Variants in MAP3K3 observed in about 807,000 individuals in gnomAD.
The protein encoded by MAP3K3 is MAP/ERK kinase kinase 3.
A neutral mutation model predicts 80.9 loss-of-function variants in MAP3K3; 12 were observed. That is an observed-to-expected ratio of 0.15 (90% CI 0.10 to 0.24). MAP3K3 has a LOEUF of 0.24. MAP3K3 is among the 10% of genes least tolerant of loss of function. MAP3K3 has a pLI of 1.00. For synonymous variants in MAP3K3, 272 were observed against 307.1 expected (o/e 0.89, Z 1.19); for missense variants, 596 against 834.7 (o/e 0.71, Z 3.52).
At chr17:63,638,227 A>AT (rs1295870534) in intron 2 of MAP3K3, among the ~76,000 whole-genome samples, 7 of 151,324 alleles carry the variant, frequency 4.6e-5, no homozygotes, top group African/African-American at 7.3e-5. Flanking sequence ...TTTTTGTTGT[A>AT]TTTTTTTTTC....
rs1180626814 is a variant in MAP3K3, at chr17:63,692,603, C to T, written c.1652+184C>T. Among the ~76,000 whole-genome samples, 1 of 152,198 alleles carries T rather than the reference C, an allele frequency of 6.6e-6. No homozygotes were observed. The highest frequency in any genetic ancestry group is 1.5e-5 in the Non-Finnish European group (1 of 68,036). On this transcript the variant is annotated intron_variant, in intron 15 of 15. Coordinates refer to ENST00000361733, the MANE Select transcript of MAP3K3 (RefSeq NM_002401.5). The surrounding 1 kb of genome is among the most constrained non-coding windows in gnomAD (Gnocchi z 4.5). ...CACCACATGGGTGGTGCTCAAAGCA[C>T]ACTCCATTAGAGCTGGGAACTTAGG...
In MAP3K3 at chr17:63,693,880, A is replaced by G; in HGVS notation, c.*103A>G. 1 of 1,020,980 alleles carries G rather than the reference A, an allele frequency of 9.8e-7. No individual in the cohort carries two copies. Among genetic ancestry groups the G allele is most frequent in the Non-Finnish European group, 1.4e-6 (1 of 705,446 alleles). The allele number at this position is 1,020,980 out of a possible 1,614,324, so 63.2% of individuals were successfully genotyped here. A position where few individuals can be genotyped will look rare whatever the true frequency, so the allele number is the denominator to read the frequency against. On this transcript the variant is annotated 3_prime_UTR_variant, in exon 16 of 16. Transcript: ENST00000361733. The surrounding 1 kb of genome is among the most constrained non-coding windows in gnomAD (Gnocchi z 4.2). ...CTTCTCCCAGGCAAGGCTGTGGACC[A>G]TGGAGTGGCAGCCCAGCCAGCGTCG...
At chr17:63,675,048 G>GT (rs1265473513) in intron 6 of MAP3K3, among the ~76,000 whole-genome samples, 2 of 151,902 alleles carry the variant, frequency 1.3e-5, no homozygotes, top group African/African-American at 2.4e-5. Context: ...ATCTTCAAAG[G>GT]TTTTTTTTCC....
intron 2 of MAP3K3, among the ~76,000 whole-genome samples, chr17:63,639,844 G>T (rs975059652): frequency 1.3e-5 from 2 of 152,084 alleles, no homozygotes; most frequent in Non-Finnish European, 2.9e-5. Flanking sequence ...TATAATGCCA[G>T]GCTTGTGTGT....
chr17:63,632,835 T>C, intron 2 of MAP3K3, 33 bp downstream of exon 2: 3 of 1,612,298 alleles, frequency 1.9e-6, no homozygotes. Context: ...TAAGTGAGAT[T>C]TGTTGGGGAG....
intron 2 of MAP3K3, among the ~76,000 whole-genome samples, chr17:63,644,423 C>T (rs999837533): frequency 6.6e-6 from 1 of 152,166 alleles, no homozygotes; most frequent in Non-Finnish European, 1.5e-5. Flanking sequence ...ACCATGTTGG[C>T]CAGGCTGGTC....
intron 4 of MAP3K3, among the ~76,000 whole-genome samples, chr17:63,652,911 A>T (rs958343255): frequency 9.2e-5 from 14 of 152,212 alleles, no homozygotes; most frequent in African/African-American, 3.1e-4. Flanking sequence ...TGGTGGAATC[A>T]GGTATGGTAC....
At chr17:63,658,397 T>C (rs772436082) in intron 5 of MAP3K3, among the ~76,000 whole-genome samples, 2 of 152,208 alleles carry the variant, frequency 1.3e-5, no homozygotes, top group Admixed American at 6.5e-5. Flanking sequence ...GGGCCTCTTA[T>C]AACTTATCAG....
Position 63,689,532 on chromosome 17 carries a change from G to C in MAP3K3, c.872-12G>C. On this transcript the variant is annotated splice_polypyrimidine_tract_variant and intron_variant, in intron 10 of 15. Coordinates refer to ENST00000361733, the MANE Select transcript of MAP3K3 (RefSeq NM_002401.5). This position sits in a 1 kb window ranked among gnomAD's most constrained non-coding sequence, Gnocchi z 4.3. ...TGTGACTTGCTCTCCTCTGGCCCTT[G>C]CACCCTTTCAGGCAGAAGAACATTT... The C allele has an allele frequency of 6.2e-7, 1 of 1,608,856 alleles. No individual in the cohort carries two copies.
rs539409381 is a variant in MAP3K3, at chr17:63,632,130, G to A, written c.5-551G>A. Among the ~76,000 whole-genome samples, 32 of 152,184 alleles carry A rather than the reference G, an allele frequency of 2.1e-4. 1 individual carries two copies. Among genetic ancestry groups the A allele is most frequent in the Middle Eastern group, 3.4e-3 (1 of 294 alleles). ...ACTGGACCAACTGCCCTGTTTGAGC[G>A]TGTCCCTTCCCTGCAATGAATTGGT... On this transcript the variant is annotated intron_variant, in intron 1 of 15. Coordinates refer to ENST00000361733, the MANE Select transcript of MAP3K3 (RefSeq NM_002401.5).
chr17:63,678,242 A>G (rs1694778120), intron 6 of MAP3K3, among the ~76,000 whole-genome samples: 1 of 151,972 alleles, frequency 6.6e-6, no homozygotes, highest in Admixed American at 6.6e-5. Flanking sequence ...AGGTGACAAT[A>G]TTTTTTTAAG....
chr17:63,645,563 T>C (rs1471835256), intron 2 of MAP3K3, among the ~76,000 whole-genome samples: 1 of 152,242 alleles, frequency 6.6e-6, no homozygotes, highest in Non-Finnish European at 1.5e-5. Flanking sequence ...AAGGTATGTT[T>C]AGGCTTACTC....
intron 7 of MAP3K3, among the ~76,000 whole-genome samples, chr17:63,683,734 G>A (rs970054074): frequency 1.3e-5 from 2 of 152,210 alleles, no homozygotes; most frequent in African/African-American, 4.8e-5. Flanking sequence ...TGACTTTACT[G>A]AAAAGTGAAA....
chr17:63,638,859 T>C (rs1173558441), intron 2 of MAP3K3, among the ~76,000 whole-genome samples: 1 of 152,110 alleles, frequency 6.6e-6, no homozygotes, highest in African/African-American at 2.4e-5. Context: ...AAACCCTGTC[T>C]GTACAAAAAT....
intron 1 of MAP3K3, among the ~76,000 whole-genome samples, chr17:63,628,640 G>A (rs928922656): frequency 1.3e-5 from 2 of 152,176 alleles, no homozygotes; most frequent in African/African-American, 2.4e-5. Context: ...GATTACAGGC[G>A]TGAGCCCCTG....
chr17:63,652,429 G>GGC (rs1436195411), intron 3 of MAP3K3, 128 bp from the exon 4 acceptor site: 2 of 659,656 alleles, frequency 3.0e-6, no homozygotes, highest in African/African-American at 3.6e-5. Context: ...ATCGGGAAAA[G>GGC]GCAAATTGAG....
chr17:63,666,999 C>T lies in MAP3K3; in HGVS notation c.441C>T (p.Ser147=), dbSNP rs202050738. ...AGGTGCGGATCAAGGCTTCCCAGTC[C>T]GCAGGGGATATAAATACTATCTACC... The part of the protein sequence containing the change: ...SRQVRIKASQ[S]AGDINTIYQP... Residue 147 remains serine, a synonymous_variant, in exon 6 of 16, where the codon TCC becomes TCT. Transcript: ENST00000361733. The T allele has an allele frequency of 5.8e-5, 94 of 1,612,834 alleles. No individual in the cohort carries two copies. Among genetic ancestry groups the T allele is most frequent in the Non-Finnish European group, 7.3e-5 (86 of 1,179,732 alleles).
At chr17:63,640,001 T>A (rs1471253379) in intron 2 of MAP3K3, among the ~76,000 whole-genome samples, 1 of 151,818 alleles carries the variant, frequency 6.6e-6, no homozygotes, top group South Asian at 2.1e-4. Flanking sequence ...ATACCGGAGG[T>A]CTTTGAGAGG....
At chr17:63,687,816 T>C (rs1326932299) in intron 8 of MAP3K3, among the ~76,000 whole-genome samples, 1 of 152,014 alleles carries the variant, frequency 6.6e-6, no homozygotes, top group Non-Finnish European at 1.5e-5. Flanking sequence ...CGCGTGCCTG[T>C]AGTCCCAGCT....
Sources: gnomAD v4.1 joint callset for allele counts (sites outside exome capture counted in the v4.1 genomes callset) on GRCh38, gnomAD v4.1.1 for gene constraint, Gnocchi (gnomAD v3.1) non-coding constraint, MANE v1.5 for transcripts, NCBI Gene and HGNC (gene_info 2026-07-23, HGNC 2026-07-21) for gene names.